The following ULK1 variants were observed in gnomAD, a reference collection of about 807,000 sequenced individuals.
The protein encoded by ULK1 is serine/threonine-protein kinase ULK1.
In ULK1, 48 loss-of-function variants were observed where a neutral mutation model predicts 117.5. The ratio of observed to expected loss-of-function variants is 0.41; its 90% CI spans 0.32 to 0.52. The LOEUF (loss-of-function observed/expected upper bound fraction) is 0.52, where lower values mean the gene tolerates loss of function less well. Ranked by LOEUF, ULK1 falls within the 20% of genes least tolerant of loss-of-function variation. The pLI is 0.29. For synonymous variants in ULK1, 790 were observed against 637.8 expected (o/e 1.24, Z -3.60); for missense variants, 1,387 against 1,473.4 (o/e 0.94, Z 0.96).
chr12:131,920,495 A>C (rs1890106034), intron 26 of ULK1: 1 of 274,076 alleles, frequency 3.6e-6, no homozygotes, highest in African/African-American at 2.2e-5. Context: ...CTCAGGTGGT[A>C]CCACGGGCAA....
In ULK1 at chr12:131,917,102, G is replaced by GGAGGCTGTGGGATGGGGC. The variant is rs1555265415; in HGVS notation, c.2182+40_2182+41insGAGGCTGTGGGATGGGGC. The GGAGGCTGTGGGATGGGGC allele has an allele frequency of 2.9e-5, 17 of 594,722 alleles. 3 individuals are homozygous for GGAGGCTGTGGGATGGGGC. Among genetic ancestry groups the GGAGGCTGTGGGATGGGGC allele is most frequent in the Non-Finnish European group, 3.5e-5 (14 of 404,820 alleles). The allele number at this position is 594,722 out of a possible 1,614,324, so 36.8% of individuals were successfully genotyped here. On this transcript the variant is annotated intron_variant, in intron 21 of 27. Transcript: ENST00000321867. ...GGGGCTCGGAGGCTGTGGGATGGGG[G>GGAGGCTGTGGGATGGGGC]TCGGAGGCTGTGGGATGGGGGTCGG...
intron 16 of ULK1, 27 bp from the exon 17 acceptor site, chr12:131,915,056 C>G: frequency 6.6e-7 from 1 of 1,522,378 alleles, no homozygotes; most frequent in Non-Finnish European, 8.8e-7. Flanking sequence ...CTGAGGCCTC[C>G]CCTCCTAATA....
chr12:131,911,833 A>G, intron 12 of ULK1, 109 bp from the exon 13 acceptor site: 1 of 1,494,836 alleles, frequency 6.7e-7, no homozygotes, highest in South Asian at 1.2e-5. Context: ...TCTCAGCCCC[A>G]GCGCCCCGAT....
In ULK1 at chr12:131,915,883, C is replaced by G. The variant is rs1477329212; in HGVS notation, c.1610-8C>G. The G allele has an allele frequency of 1.2e-6, 2 of 1,608,836 alleles. No individual in the cohort carries two copies. The highest frequency in any genetic ancestry group is 1.7e-6 in the Non-Finnish European group (2 of 1,179,646). On this transcript the variant is annotated splice_region_variant and splice_polypyrimidine_tract_variant and intron_variant, in intron 18 of 27. Transcript: ENST00000321867. ...CGGAAGGTCGTGACGAGGCGTGTCT[C>G]TCTCTAGGCTCCTCTGCACCCGAGC...
In ULK1 at chr12:131,917,216, GCTC is replaced by G. The variant is rs1231974836; in HGVS notation, c.2182+155_2182+157del. Among the ~76,000 whole-genome samples the G allele has an allele frequency of 1.3e-4, 5 of 37,404 alleles. 1 individual carries two copies. Among genetic ancestry groups the G allele is most frequent in the Non-Finnish European group, 1.6e-4 (4 of 25,368 alleles). 24.5% of individuals were successfully genotyped at this position (37,404 alleles called of 152,430 possible). A position where few individuals can be genotyped will look rare whatever the true frequency, so the allele number is the denominator to read the frequency against. On this transcript the variant is annotated intron_variant, in intron 21 of 27. Transcript: ENST00000321867. ...TGGGGCTTGGAGGCTGTGGGATGGG[GCTC>G]GAGGCTGTGGGACGGGGGTCGGGTT...
intron 3 of ULK1, chr12:131,898,224 C>T (rs1360243463): frequency 1.3e-5 from 2 of 152,212 alleles, no homozygotes; most frequent in Non-Finnish European, 2.9e-5. Flanking sequence ...TAACTGATTT[C>T]ACCAAGGCCC....
intron 8 of ULK1, 132 bp downstream of exon 8, chr12:131,909,369 G>A (rs1593265982): frequency 4.9e-6 from 5 of 1,026,820 alleles, no homozygotes; most frequent in African/African-American, 1.7e-5. Flanking sequence ...CGGGGCGGGC[G>A]TCCAGGGGTC....
chr12:131,920,458 G>C (rs1040264797), intron 26 of ULK1: 2 of 348,272 alleles, frequency 5.7e-6, no homozygotes, highest in African/African-American at 4.2e-5. Flanking sequence ...ACCTGGTCCC[G>C]GACAACCTGC....
intron 23 of ULK1, 40 bp downstream of exon 23, chr12:131,918,721 AGGGTGTGTGGGGTGTGTGGGGTGTC>A (rs1566128784): frequency 7.3e-6 from 8 of 1,089,838 alleles, no homozygotes; most frequent in East Asian, 8.3e-5. Flanking sequence ...TTCTGGCTGG[AGGGTGTGTGGGGTGTGTGGGGTGTC>A]GGGTGTGTGG....
chr12:131,900,796 C>T (rs1889054928), intron 3 of ULK1, among the ~76,000 whole-genome samples: 1 of 152,218 alleles, frequency 6.6e-6, no homozygotes, highest in African/African-American at 2.4e-5. Context: ...TGCTTGGGGT[C>T]CTGGGAGACC....
Position 131,916,970 on chromosome 12 carries a change from G to T in ULK1, c.2090G>T (p.Arg697Leu), listed in dbSNP as rs139789462. 2.5e-6 allele frequency: 4 copies of T among 1,611,628 alleles called. No individual in the cohort carries two copies. The South Asian group carries it at 4.4e-5, about 18-fold the overall frequency. ...TCCCACAGGTCTTTCAGCACCAGCC[G>T]CCTCACTGACCTGCTCCTTAAGGCG... ...GPFGRSFSTS[R>L]LTDLLLKAAF... Residue 697 changes from arginine (R) to leucine (L), a missense_variant, in exon 21 of 28, where the codon CGC becomes CTC. Arg to Leu is a moderately radical substitution (Grantham distance 102, BLOSUM62 -2). This residue lies in a region of ULK1 where 900 missense variants were observed against 858.9 expected (regional missense o/e 1.05). Transcript: ENST00000321867.
In ULK1 at chr12:131,921,771, G is replaced by A. The variant is rs748055865; in HGVS notation, c.*410G>A. On this transcript the variant is annotated 3_prime_UTR_variant, in exon 28 of 28. Coordinates refer to ENST00000321867, the MANE Select transcript of ULK1 (RefSeq NM_003565.4). ...GTGCCCAGGAAGAGCCTGCGGCCTC[G>A]GCGTCCCCCAGTCTCCAGGAGCCTC... 1.8e-4 allele frequency: 91 copies of A among 518,848 alleles called. No individual in the cohort carries two copies. Among genetic ancestry groups the A allele is most frequent in the Admixed American group, 2.5e-4 (11 of 44,224 alleles). 32.1% of individuals were successfully genotyped at this position (518,848 alleles called of 1,614,324 possible). A position where few individuals can be genotyped will look rare whatever the true frequency, so the allele number is the denominator to read the frequency against.
In ULK1 at chr12:131,903,201, C is replaced by A. The variant is rs1343143698; in HGVS notation, c.247-3691C>A. 3.3e-5 allele frequency among the ~76,000 whole-genome samples: 5 copies of A among 152,182 alleles called. No individual in the cohort carries two copies. Among genetic ancestry groups the A allele is most frequent in the Non-Finnish European group, 7.4e-5 (5 of 68,016 alleles). ...TGGGCCTGCAGCTGCCCTGGAGGAG[C>A]TCCCCCAGCCCTGGCAGAGGTGGTC... is the stretch of plus-strand genomic sequence containing the variant. On this transcript the variant is annotated intron_variant, in intron 3 of 27. Transcript: ENST00000321867. The surrounding 1 kb of genome is among the most constrained non-coding windows in gnomAD (Gnocchi z 6.0).
In ULK1 at chr12:131,919,427, G is replaced by A. The variant is rs200396520; in HGVS notation, c.2684+43G>A. The A allele has an allele frequency of 2.4e-4, 382 of 1,581,450 alleles. 2 individuals carry two copies. The East Asian group carries it at 7.0e-3, about 29-fold the overall frequency. On this transcript the variant is annotated intron_variant, in intron 24 of 27. Transcript: ENST00000321867. ...TGGGGTGGGGCGGGTGGTGGCCTGG[G>A]GGCCAGGACCAACCGGCCTCCTCTG...
Position 131,915,096 on chromosome 12 carries a change from C to T in ULK1, c.1387C>T (p.Arg463Cys), listed in dbSNP as rs774324214. The change falls in exon 17 of 28, where the codon CGC becomes TGC. Residue 463 changes from arginine to cysteine, a missense_variant. Arg to Cys is a radical substitution (Grantham distance 180). Transcript: ENST00000321867. ...QFQTPRSSAI[R>C]RSGSTSPLGF... ...CCTTGTCTTCAGGTCCTCTGCCATC[C>T]GCAGGTCAGGCAGCACCAGCCCCCT... 39 of 1,552,538 alleles carry T rather than the reference C, an allele frequency of 2.5e-5. No homozygotes were observed. Among genetic ancestry groups the T allele is most frequent in the East Asian group, 9.0e-5 (4 of 44,300 alleles).
intron 2 of ULK1, 36 bp from the exon 3 acceptor site, chr12:131,895,747 C>T (rs748659954): frequency 3.1e-6 from 5 of 1,613,674 alleles, no homozygotes; most frequent in African/African-American, 1.3e-5. Flanking sequence ...AAGCCCCCCT[C>T]CCCACACTGA....
Position 131,897,847 on chromosome 12 carries a change from C to T in ULK1, c.246+2023C>T, listed in dbSNP as rs140308308. 1,465 of 152,184 alleles carry T rather than the reference C, an allele frequency of 9.6e-3. 11 individuals are homozygous for T. The highest frequency in any genetic ancestry group is 0.019 in the South Asian group (92 of 4,820). The allele number at this position is 152,184 out of a possible 1,614,324, so 9.4% of individuals were successfully genotyped here. A position where few individuals can be genotyped will look rare whatever the true frequency, so the allele number is the denominator to read the frequency against. Reference sequence around the variant, plus strand: ...CCAGGAGTTTAAGGCTGCAGTGAGCCGTGATGTTGCCACCGCGTTCCAGCC... The same window carrying T: ...CCAGGAGTTTAAGGCTGCAGTGAGCTGTGATGTTGCCACCGCGTTCCAGCC... On this transcript the variant is annotated intron_variant, in intron 3 of 27. Transcript: ENST00000321867.
At chr12:131,908,573 C>T in intron 5 of ULK1, 71 bp from the exon 6 acceptor site, 15 of 1,410,800 alleles carry the variant, frequency 1.1e-5, no homozygotes, top group South Asian at 3.0e-5. Context: ...GCGGGACCGG[C>T]CTGGCTGCGC....
Position 131,895,112 on chromosome 12 carries a change from G to A in ULK1, c.111G>A (p.Glu37=). Residue 37 remains glutamate, a splice_region_variant and synonymous_variant, in exon 1 of 28, where the codon GAG becomes GAA. Coordinates refer to ENST00000321867, the MANE Select transcript of ULK1 (RefSeq NM_003565.4). ...FAVVFKGRHR[E]KHDLEVAVKC... ...TGGTCTTCAAGGGCCGCCACCGCGA[G>A]GTGAGGCCCCCGTCCGGCCCGGGAT... 6.5e-7 allele frequency: 1 copy of A among 1,545,132 alleles called. No homozygotes were observed. Among genetic ancestry groups the A allele is most frequent in the Non-Finnish European group, 8.7e-7 (1 of 1,154,508 alleles).
Sources: gnomAD v4.1 joint callset for allele counts (sites outside exome capture counted in the v4.1 genomes callset) on GRCh38, gnomAD v4.1.1 for gene constraint, gnomAD v4.1.1 regional missense constraint, Gnocchi (gnomAD v3.1) non-coding constraint, MANE v1.5 for transcripts, NCBI Gene and HGNC (gene_info 2026-07-23, HGNC 2026-07-21) for gene names.